DOCK10: variants seen among roughly 807,000 people sequenced by gnomAD.
DOCK10 encodes dedicator of cytokinesis protein 10.
Under a neutral mutation model 280.1 loss-of-function variants are expected in DOCK10, and 145 were observed. The observed-to-expected ratio is 0.52, with a 90% confidence interval of 0.45 to 0.59. DOCK10 has a LOEUF of 0.59. Among genes scored for constraint, DOCK10 ranks in the 20% least tolerant of loss-of-function variants. DOCK10 has a pLI of 0.00. For synonymous variants in DOCK10, 915 were observed against 942.2 expected (o/e 0.97, Z 0.53); for missense variants, 2,368 against 2,651.7 (o/e 0.89, Z 2.35).
chr2:224,828,450 T>C (rs1695008505), intron 27 of DOCK10, among the ~76,000 whole-genome samples: 1 of 151,484 alleles, frequency 6.6e-6, no homozygotes, highest in Admixed American at 6.6e-5. Flanking sequence ...GAGGAAAAAA[T>C]AAAGAGGTGG....
At chr2:225,009,639 A>G (rs1461015585) in intron 1 of DOCK10, among the ~76,000 whole-genome samples, 6 of 6,252 alleles carry the variant, frequency 9.6e-4, no homozygotes. Context: ...GCCCTAAGGC[A>G]AAAAAAAAAA....
At chr2:224,867,075 TACACACACACAC>T (rs61496329) in intron 11 of DOCK10, among the ~76,000 whole-genome samples, 1 of 144,234 alleles carries the variant, frequency 6.9e-6, no homozygotes, top group Admixed American at 7.0e-5. Context: ...AGCTAAGAAA[TACACACACACAC>T]ACACACACAC....
intron 1 of DOCK10, among the ~76,000 whole-genome samples, chr2:225,035,548 A>C (rs1415726257): frequency 2.0e-4 from 3 of 15,108 alleles, no homozygotes; most frequent in South Asian, 5.1e-3. Flanking sequence ...TATATTATAT[A>C]TATATATATA....
Position 224,887,484 on chromosome 2 carries a change from T to C in DOCK10, c.417-953A>G, listed in dbSNP as rs1292035301. On this transcript the variant is annotated intron_variant, in intron 4 of 55. Coordinates refer to ENST00000258390, the MANE Select transcript of DOCK10 (RefSeq NM_014689.3). ...AAGAGTGTGCATCTGGTTTTATAAATGGAAAATAAACCACAAATAAGTTTT... is the reference window on the plus strand; with the variant it reads ...AAGAGTGTGCATCTGGTTTTATAAACGGAAAATAAACCACAAATAAGTTTT... Among the ~76,000 whole-genome samples, 3 of 202 alleles carry C rather than the reference T, an allele frequency of 0.015. No homozygotes were observed. In the East Asian group the frequency reaches 0.3, roughly 20 times the overall value. 0.1% of individuals were successfully genotyped at this position (202 alleles called of 152,430 possible).
rs770304708 is a variant in DOCK10 at position 224,807,954 on chromosome 2, T to C, written c.3542A>G (p.Asn1181Ser). The C allele has an allele frequency of 6.2e-7, 1 of 1,612,778 alleles. No homozygotes were observed. The highest frequency in any genetic ancestry group is 8.5e-7 in the Non-Finnish European group (1 of 1,179,330). Residue 1181 changes from asparagine to serine, a missense_variant, in exon 32 of 56, where the codon AAT (asparagine) becomes AGT (serine). Coordinates refer to ENST00000258390, the MANE Select transcript of DOCK10 (RefSeq NM_014689.3). ...ATCAAATGAATGCTTAGCCATTAGATTTTTTAGGACAGCTAAAGCTAAGTG... is the reference window on the plus strand; with the variant it reads ...ATCAAATGAATGCTTAGCCATTAGACTTTTTAGGACAGCTAAAGCTAAGTG... ...VRHLALAVLK[N>S]LMAKHSFDDR...
At chr2:224,886,297 A>G (rs1699277483) in intron 5 of DOCK10, 112 bp from the exon 6 acceptor site, 10 of 1,522,214 alleles carry the variant, frequency 6.6e-6, no homozygotes, top group African/African-American at 2.8e-5. Context: ...TTAAATAAGC[A>G]TGTTCAATTT....
intron 7 of DOCK10, 102 bp from the exon 8 acceptor site, chr2:224,876,323 C>T: frequency 1.9e-6 from 2 of 1,040,264 alleles, no homozygotes; most frequent in East Asian, 2.7e-5. Context: ...TCTTTCCATA[C>T]AGATAGATAA....
chr2:224,834,556 A>G (rs1695476565), intron 25 of DOCK10, among the ~76,000 whole-genome samples: 1 of 152,170 alleles, frequency 6.6e-6, no homozygotes, highest in Admixed American at 6.5e-5. Context: ...TGACCCACCT[A>G]CTTAGGACAC....
rs535606477 is a variant in DOCK10 at position 225,005,796 on chromosome 2, C to G, written c.123+36456G>C. On this transcript the variant is annotated intron_variant, in intron 1 of 55. Transcript: ENST00000258390. ...ACTAATGTTAAATTGAGACTTTATC[C>G]TCAGTGTAATCTGAAGTTTGAAAGA... is the stretch of plus-strand genomic sequence containing the variant. 1.7e-3 allele frequency among the ~76,000 whole-genome samples: 262 copies of G among 152,290 alleles called. 1 individual carries two copies. Among genetic ancestry groups the G allele is most frequent in the African/African-American group, 6.2e-3 (257 of 41,558 alleles).
At chr2:225,009,238 G>C (rs759723372) in intron 1 of DOCK10, among the ~76,000 whole-genome samples, 18 of 152,170 alleles carry the variant, frequency 1.2e-4, no homozygotes, top group African/African-American at 4.1e-4. Context: ...AACTACAGAA[G>C]AGTATTTAAT....
chr2:225,036,253 G>A (rs1157403549), intron 1 of DOCK10, among the ~76,000 whole-genome samples: 1 of 152,130 alleles, frequency 6.6e-6, no homozygotes, highest in Admixed American at 6.5e-5. Context: ...CAATTAAGGG[G>A]CTAGATGGTA....
In DOCK10 at chr2:224,816,639, G is replaced by A. The variant is rs1574871395; in HGVS notation, c.3342C>T (p.Pro1114=). Residue 1114 remains proline (P), a synonymous_variant, in exon 30 of 56, where the codon CCC becomes CCT. Coordinates refer to ENST00000258390, the MANE Select transcript of DOCK10 (RefSeq NM_014689.3). ...TACCTGGAATGTTTGCTGATCTTAT[G>A]GGCAGACACAAAGGGATAAAGTGTT... ...QHEHFIPLCL[P]IRSANIPDPL... is the part of the protein sequence containing the mutation. 1.9e-6 allele frequency: 3 copies of A among 1,604,476 alleles called. No individual in the cohort carries two copies. The East Asian group carries it at 6.7e-5, about 36-fold the overall frequency.
At chr2:224,967,282 G>A (rs865900417) in intron 1 of DOCK10, among the ~76,000 whole-genome samples, 5 of 151,736 alleles carry the variant, frequency 3.3e-5, no homozygotes, top group Non-Finnish European at 7.4e-5. Flanking sequence ...GGGTTTCACC[G>A]TGTTAGTCAG....
intron 3 of DOCK10, among the ~76,000 whole-genome samples, chr2:224,915,926 A>G (rs1474239805): frequency 6.6e-6 from 1 of 152,258 alleles, no homozygotes; most frequent in African/African-American, 2.4e-5. Context: ...ATGTTCTATC[A>G]GTCCCTGATG....
At chr2:224,827,400 C>G (rs182068214) in intron 27 of DOCK10, among the ~76,000 whole-genome samples, 4 of 151,984 alleles carry the variant, frequency 2.6e-5, no homozygotes, top group Non-Finnish European at 5.9e-5. Flanking sequence ...AAAGGGGTCA[C>G]GGAAAGCAAA....
At chr2:224,793,317 A>C (rs1559415449) in intron 46 of DOCK10, 83 bp downstream of exon 46, 2 of 1,148,382 alleles carry the variant, frequency 1.7e-6, no homozygotes, top group Non-Finnish European at 2.5e-6. Flanking sequence ...AGATTAATAA[A>C]ATGTAAAATT....
intron 25 of DOCK10, 27 bp downstream of exon 25, chr2:224,837,735 G>A (rs376071770): frequency 4.8e-5 from 76 of 1,595,992 alleles, no homozygotes; most frequent in East Asian, 1.3e-4. Flanking sequence ...AAGGGGATAT[G>A]AGCAATTTCC....
chr2:224,796,230 A>G (rs1197111178), intron 44 of DOCK10, 86 bp downstream of exon 44: 2 of 873,882 alleles, frequency 2.3e-6, no homozygotes, highest in East Asian at 5.3e-5. Context: ...TACCCAATCT[A>G]TTTTTATGAT....
At chr2:224,891,159 A>G (rs1317709207) in intron 4 of DOCK10, among the ~76,000 whole-genome samples, 2 of 152,226 alleles carry the variant, frequency 1.3e-5, no homozygotes, top group Non-Finnish European at 2.9e-5. Flanking sequence ...TGAAAGACAC[A>G]TTCTAGGTGA....
Sources: gnomAD v4.1 joint callset for allele counts (sites outside exome capture counted in the v4.1 genomes callset) on GRCh38, gnomAD v4.1.1 for gene constraint, MANE v1.5 for transcripts, NCBI Gene and HGNC (gene_info 2026-07-23, HGNC 2026-07-21) for gene names.